PUM1: variants seen among roughly 807,000 people sequenced by gnomAD.
PUM1 encodes the protein pumilio RNA binding family member 1.
PUM1 carries 13 observed loss-of-function variants against 131.8 expected under a neutral mutation model. The ratio of observed to expected loss-of-function variants is 0.10; its 90% CI spans 0.06 to 0.16. The LOEUF (loss-of-function observed/expected upper bound fraction) is 0.16, where lower values mean the gene tolerates loss of function less well. PUM1 is among the 10% of genes least tolerant of loss of function. PUM1 has a pLI of 1.00. For synonymous variants in PUM1, 509 were observed against 556.5 expected, an observed-to-expected ratio of 0.91 and a Z score of 1.20; for missense variants, 961 against 1,512.4, an observed-to-expected ratio of 0.64 and a Z score of 6.05.
intron 2 of PUM1, among the ~76,000 whole-genome samples, chr1:31,057,061 G>T (rs1570369889): frequency 6.6e-6 from 1 of 152,094 alleles, no homozygotes; most frequent in Admixed American, 6.6e-5. Flanking sequence ...CCAAAGTGCT[G>T]GGATTACAGG....
intron 19 of PUM1, 82 bp downstream of exon 19, chr1:30,941,916 A>C: frequency 7.5e-7 from 1 of 1,337,216 alleles, no homozygotes; most frequent in Non-Finnish European, 1.0e-6. Flanking sequence ...CTCTTCTGGA[A>C]CCTACACTGA....
At chr1:30,981,173 A>G (rs1438614730) in intron 8 of PUM1, 139 bp downstream of exon 8, 1 of 483,706 alleles carries the variant, frequency 2.1e-6, no homozygotes, top group Non-Finnish European at 3.6e-6. Flanking sequence ...ACTGGACAAA[A>G]GGAAGAGGCC....
chr1:30,951,702 GAT>G (rs764825403), intron 16 of PUM1, among the ~76,000 whole-genome samples: 6 of 152,262 alleles, frequency 3.9e-5, no homozygotes, highest in Non-Finnish European at 7.4e-5. Context: ...CAAAGACAAT[GAT>G]ACAACAAGTG....
Position 30,961,307 on chromosome 1 carries a change from C to A in PUM1, c.2323+3367G>T, listed in dbSNP as rs140171989. ...AGAGGATCACTGGAGGCCCGGAGTTCGAGACCACCCTGACCAACATAGCAA... is the reference window on the plus strand; with the variant it reads ...AGAGGATCACTGGAGGCCCGGAGTTAGAGACCACCCTGACCAACATAGCAA... On this transcript the variant is annotated intron_variant, in intron 14 of 21. Transcript: ENST00000426105. Among the ~76,000 whole-genome samples, 41 of 147,450 alleles carry A rather than the reference C, an allele frequency of 2.8e-4. No individual in the cohort carries two copies. The East Asian group carries it at 7.6e-3, about 27-fold the overall frequency.
intron 8 of PUM1, among the ~76,000 whole-genome samples, 187 bp downstream of exon 8, chr1:30,981,125 G>A (rs1305655574): frequency 6.6e-6 from 1 of 152,202 alleles, no homozygotes; most frequent in Non-Finnish European, 1.5e-5. Context: ...TATGATGCGG[G>A]TCTACAAGCT....
At chr1:31,009,958 T>C (rs540205697) in intron 3 of PUM1, among the ~76,000 whole-genome samples, 31 of 152,206 alleles carry the variant, frequency 2.0e-4, no homozygotes, top group African/African-American at 7.0e-4. Flanking sequence ...TTCATGATAG[T>C]ATACCAGGCT....
intron 14 of PUM1, among the ~76,000 whole-genome samples, chr1:30,955,166 A>T (rs1456339364): frequency 6.6e-6 from 1 of 152,042 alleles, no homozygotes; most frequent in Non-Finnish European, 1.5e-5. Flanking sequence ...TAAAATAACA[A>T]AATAACAGGC....
intron 2 of PUM1, among the ~76,000 whole-genome samples, chr1:31,049,585 CAGG>C (rs1644057492): frequency 6.6e-6 from 1 of 151,572 alleles, no homozygotes; most frequent in Admixed American, 6.6e-5. Flanking sequence ...GAGGCTGAAG[CAGG>C]AGAACTGCTT....
intron 17 of PUM1, chr1:30,949,283 G>A (rs538068504): frequency 3.4e-4 from 116 of 345,914 alleles, no homozygotes; most frequent in African/African-American, 2.3e-3. Flanking sequence ...GAGAAGCACC[G>A]GAGGCTGGAG....
intron 10 of PUM1, among the ~76,000 whole-genome samples, chr1:30,974,297 G>A (rs1641049287): frequency 6.6e-6 from 1 of 152,096 alleles, no homozygotes; most frequent in Middle Eastern, 3.2e-3. Flanking sequence ...TTAGTGTCAA[G>A]CCCCTTGCAA....
intron 5 of PUM1, among the ~76,000 whole-genome samples, chr1:30,996,021 T>C (rs938171235): frequency 4.6e-5 from 7 of 152,240 alleles, no homozygotes; most frequent in Non-Finnish European, 7.3e-5. Context: ...CTCTGAAGTG[T>C]CTATCTCCTC....
Position 30,995,216 on chromosome 1 carries a change from G to A in PUM1, c.725C>T (p.Pro242Leu). 1 of 1,613,290 alleles carries A rather than the reference G, an allele frequency of 6.2e-7. No homozygotes were observed. The highest frequency in any genetic ancestry group is 8.5e-7 in the Non-Finnish European group (1 of 1,179,764). ...DSCLRKGGFG[P>L]RDADSDENDK... The stretch of plus-strand genomic sequence containing the variant: ...GTTTTCATCACTGTCTGCATCCCTT[G>A]GGCCCTGTTTAAAAAATAGCTTCAG... Residue 242 changes from proline to leucine, a missense_variant, in exon 6 of 22, where the codon CCA (proline) becomes CTA (leucine). Physicochemically the swap from Pro to Leu is moderately conservative, Grantham distance 98. Coordinates refer to ENST00000426105, the MANE Select transcript of PUM1 (RefSeq NM_001020658.2).
At chr1:31,017,414 T>C (rs1302696413) in intron 3 of PUM1, among the ~76,000 whole-genome samples, 1 of 152,182 alleles carries the variant, frequency 6.6e-6, no homozygotes, top group African/African-American at 2.4e-5. Context: ...GGACAGAATT[T>C]AGAGCAAGCT....
chr1:31,004,886 T>C (rs1445513334), intron 5 of PUM1, among the ~76,000 whole-genome samples: 4 of 152,250 alleles, frequency 2.6e-5, no homozygotes, highest in Non-Finnish European at 5.9e-5. Context: ...CTTCTGCTGT[T>C]CTTTCCCACA....
intron 2 of PUM1, among the ~76,000 whole-genome samples, chr1:31,029,697 C>T (rs891021545): frequency 1.2e-4 from 18 of 152,138 alleles, no homozygotes; most frequent in Admixed American, 5.9e-4. Context: ...GAGTACATTC[C>T]TTTGTTTATT....
rs1199725635 is a variant in PUM1, at chr1:30,994,912, T to C, written c.887+142A>G. On this transcript the variant is annotated intron_variant, in intron 6 of 21. Transcript: ENST00000426105. ...ACCTCACCAGTTAATTTACAATCTT[T>C]GTAGCATAGCCTACACTAGATTGGA... The C allele has an allele frequency of 4.7e-6, 4 of 846,006 alleles. No homozygotes were observed. The East Asian group carries it at 1.1e-4, about 24-fold the overall frequency. 52.4% of individuals were successfully genotyped at this position (846,006 alleles called of 1,614,324 possible). A position where few individuals can be genotyped will look rare whatever the true frequency, so the allele number is the denominator to read the frequency against.
At position 30,933,335 on chromosome 1, in the gene PUM1, G is replaced by A. The variant is rs1639034129; in HGVS notation, c.3443C>T (p.Pro1148Leu). The A allele has an allele frequency of 6.2e-7, 1 of 1,613,792 alleles. No individual in the cohort carries two copies. The highest frequency in any genetic ancestry group is 8.5e-7 in the Non-Finnish European group (1 of 1,179,846). Residue 1148 changes from proline to leucine, a missense_variant, in exon 22 of 22, where the codon CCC becomes CTC. By Grantham distance (98) the Pro-to-Leu change is moderately conservative (BLOSUM62 -3). This residue lies in a region of PUM1 where 178 missense variants were observed against 327.5 expected (regional missense o/e 0.54). Coordinates refer to ENST00000426105, the MANE Select transcript of PUM1 (RefSeq NM_001020658.2). ...QRKIVMHKIRPHIATLRKYTY... is the reference protein window; with the variant it reads ...QRKIVMHKIRLHIATLRKYTY... ...GTACTTACGAAGAGTTGCGATGTGG[G>A]GCCGGATCTGGGGAGGAAAGACAGT...
chr1:31,062,503 C>T (rs1644390980), intron 1 of PUM1, among the ~76,000 whole-genome samples: 1 of 151,868 alleles, frequency 6.6e-6, no homozygotes. Flanking sequence ...ACCTGTAGTC[C>T]CAGCTACTCG....
At chr1:31,063,616 T>C (rs1156952604) in intron 1 of PUM1, among the ~76,000 whole-genome samples, 7 of 151,938 alleles carry the variant, frequency 4.6e-5, no homozygotes, top group Admixed American at 3.9e-4. Flanking sequence ...ATTATACAAA[T>C]AAAAATTTTT....
Sources: allele counts gnomAD v4.1 joint callset (sites outside exome capture counted in the v4.1 genomes callset), GRCh38; gene constraint gnomAD v4.1.1; regional missense constraint gnomAD v4.1.1; transcripts MANE v1.5; gene names NCBI Gene and HGNC (gene_info 2026-07-23, HGNC 2026-07-21).